Variants in HTR4 observed in about 807,000 individuals in gnomAD.
HTR4 encodes the protein 5-hydroxytryptamine (serotonin) receptor 4, G protein-coupled.
HTR4 carries 16 observed loss-of-function variants against 36.8 expected under a neutral mutation model. The observed-to-expected ratio is 0.43, with a 90% confidence interval of 0.29 to 0.66. The LOEUF is 0.66. Among genes scored for constraint, HTR4 ranks in the 30% least tolerant of loss-of-function variants. The pLI, the probability that HTR4 is intolerant of heterozygous loss-of-function variation, is 0.13. For synonymous variants in HTR4, 189 were observed against 185.1 expected (o/e 1.02, Z -0.17); for missense variants, 438 against 490.9 (o/e 0.89, Z 1.02).
At chr5:148,581,905 G>T (rs528540041) in intron 2 of HTR4, among the ~76,000 whole-genome samples, 8 of 152,170 alleles carry the variant, frequency 5.3e-5, no homozygotes, top group African/African-American at 1.9e-4. Flanking sequence ...GGATTACATT[G>T]AATCTGTAAG....
At chr5:148,512,973 C>A (rs1344097302) in intron 5 of HTR4, among the ~76,000 whole-genome samples, 1 of 151,646 alleles carries the variant, frequency 6.6e-6, no homozygotes, top group Non-Finnish European at 1.5e-5. Flanking sequence ...TTTACATGAT[C>A]AGTTAGCATA....
intron 2 of HTR4, among the ~76,000 whole-genome samples, chr5:148,593,399 G>C (rs906336254): frequency 1.3e-5 from 2 of 152,090 alleles, no homozygotes; most frequent in African/African-American, 4.8e-5. Context: ...TGTTCTCAAA[G>C]CTACTCTTTC....
chr5:148,511,605 AT>A (rs2113775459), intron 5 of HTR4, among the ~76,000 whole-genome samples: 1 of 145,046 alleles, frequency 6.9e-6, no homozygotes, highest in African/African-American at 2.6e-5. Context: ...TGTTATGAAT[AT>A]TCTTGTGGAA....
At chr5:148,474,656 G>A (rs912670374), downstream of HTR4, among the ~76,000 whole-genome samples, 3 of 152,116 alleles carry the variant, frequency 2.0e-5, no homozygotes, top group Admixed American at 1.3e-4. Context: ...TAATTTCAGA[G>A]GGAGTGTCTC....
chr5:148,550,390 T>A (rs1002468515), intron 2 of HTR4, 128 bp from the exon 3 acceptor site: 8 of 1,024,930 alleles, frequency 7.8e-6, no homozygotes, highest in East Asian at 2.6e-5. Context: ...ATATTTATCA[T>A]GCGTTTAATG....
intron 6 of HTR4, chr5:148,490,902 G>A (rs1756388367): frequency 4.4e-6 from 2 of 451,198 alleles, no homozygotes; most frequent in Non-Finnish European, 8.8e-6. Context: ...TCTAAGCTCA[G>A]CATCCCCAGT....
chr5:148,595,303 A>G (rs1160679462), intron 2 of HTR4, among the ~76,000 whole-genome samples: 1 of 152,176 alleles, frequency 6.6e-6, no homozygotes, highest in East Asian at 1.9e-4. Context: ...AGAAAATTCT[A>G]GCACCACCAC....
downstream of HTR4, chr5:148,481,493 AC>A: frequency 1.5e-6 from 2 of 1,367,710 alleles, no homozygotes; most frequent in Non-Finnish European, 2.0e-6. Context: ...CTAAAACATG[AC>A]TTTCTCCCCA....
At chr5:148,573,866 A>G (rs534859868) in intron 2 of HTR4, among the ~76,000 whole-genome samples, 2 of 103,338 alleles carry the variant, frequency 1.9e-5, no homozygotes, top group South Asian at 6.1e-4. Context: ...TCCTTTATCT[A>G]GTAGACTAAT....
chr5:148,579,947 A>AT (rs1410578564), intron 2 of HTR4, among the ~76,000 whole-genome samples: 1 of 151,968 alleles, frequency 6.6e-6, no homozygotes, highest in Non-Finnish European at 1.5e-5. Flanking sequence ...AGGTCAGCTG[A>AT]TTTTGGAACC....
intron 2 of HTR4, among the ~76,000 whole-genome samples, chr5:148,604,068 T>C (rs1383466472): frequency 6.6e-6 from 1 of 152,126 alleles, no homozygotes. Context: ...TAAAGTAATA[T>C]AGTTTCTAGA....
chr5:148,491,599 C>T (rs757215823), intron 6 of HTR4, among the ~76,000 whole-genome samples: 8 of 152,050 alleles, frequency 5.3e-5, no homozygotes, highest in Non-Finnish European at 1.2e-4. Context: ...CCACTATATA[C>T]CAATAGTATT....
intron 2 of HTR4, among the ~76,000 whole-genome samples, chr5:148,582,313 T>C (rs1462022853): frequency 6.6e-6 from 1 of 152,100 alleles, no homozygotes; most frequent in African/African-American, 2.4e-5. Flanking sequence ...AAATTTGATT[T>C]AAGATGCAAG....
At chr5:148,456,932 A>G (rs1337688677) in intron 5 of HTR4, among the ~76,000 whole-genome samples, 1 of 152,188 alleles carries the variant, frequency 6.6e-6, no homozygotes, top group African/African-American at 2.4e-5. Context: ...AAAATTCCCA[A>G]TTCAGTGCAG....
intron 4 of HTR4, among the ~76,000 whole-genome samples, chr5:148,532,313 C>G (rs190004576): frequency 1.1e-3 from 161 of 152,284 alleles, no homozygotes; most frequent in African/African-American, 3.8e-3. Flanking sequence ...AAAACCGTCC[C>G]CCAACTGATG....
chr5:148,586,899 A>G (rs1264697658), intron 2 of HTR4, among the ~76,000 whole-genome samples: 1 of 151,950 alleles, frequency 6.6e-6, no homozygotes, highest in Admixed American at 6.6e-5. Context: ...ATCCTCTTAA[A>G]CCTCATAGGA....
intron 5 of HTR4, among the ~76,000 whole-genome samples, chr5:148,459,467 G>C (rs1211335311): frequency 6.6e-6 from 1 of 152,040 alleles, no homozygotes; most frequent in Non-Finnish European, 1.5e-5. Flanking sequence ...AGCTGACCTT[G>C]GGGGAAGGGA....
intron 5 of HTR4, among the ~76,000 whole-genome samples, chr5:148,518,575 C>A (rs114431322): frequency 3.1e-3 from 473 of 152,212 alleles, no homozygotes; most frequent in African/African-American, 0.01. Context: ...CAGAATGATT[C>A]TTTTAAAACA....
rs142810948 is a variant in HTR4, at chr5:148,554,063, TTTG to T, written c.27-3804_27-3802del. On this transcript the variant is annotated intron_variant, in intron 2 of 6. Coordinates refer to ENST00000377888, the MANE Select transcript of HTR4 (RefSeq NM_000870.7). ...TATTTCTCTATAAAAAGGAATAAAGTTTGTTGTTGTTGTTGTTGTTGTTGTTTT... is the reference window on the plus strand; with the variant it reads ...TATTTCTCTATAAAAAGGAATAAAGTTTGTTGTTGTTGTTGTTGTTGTTTT... 1.6e-4 allele frequency among the ~76,000 whole-genome samples: 24 copies of T among 151,970 alleles called. No individual in the cohort carries two copies. In the South Asian group the frequency reaches 3.1e-3, roughly 20 times the overall value.
Sources: allele counts gnomAD v4.1 joint callset (sites outside exome capture counted in the v4.1 genomes callset), GRCh38; gene constraint gnomAD v4.1.1; transcripts MANE v1.5; gene names NCBI Gene and HGNC (gene_info 2026-07-23, HGNC 2026-07-21).